Variants in CNBD2 observed in about 807,000 individuals in gnomAD.
CNBD2 encodes the protein cyclic nucleotide binding domain containing 2, also known as cyclic nucleotide-binding domain-containing protein 2.
In CNBD2, 64 loss-of-function variants were observed where a neutral mutation model predicts 63.7. The ratio of observed to expected loss-of-function variants is 1.00; its 90% CI spans 0.82 to 1.24. The LOEUF is 1.24. CNBD2 is among the 50% of genes most tolerant of loss of function. CNBD2 has a pLI of 0.00. For synonymous variants in CNBD2, 229 were observed against 255.4 expected (o/e 0.90, Z 0.99); for missense variants, 691 against 713.5 (o/e 0.97, Z 0.36).
At chr20:35,998,874 CAAAAAAAAAA>C (rs74173968) in intron 8 of CNBD2, among the ~76,000 whole-genome samples, 1 of 47,376 alleles carries the variant, frequency 2.1e-5, no homozygotes, top group Non-Finnish European at 4.2e-5. Flanking sequence ...CTGTGTCTCT[CAAAAAAAAAA>C]AAAAAAAAAA....
intron 11 of CNBD2, among the ~76,000 whole-genome samples, chr20:36,029,851 A>G (rs1251125629): frequency 1.3e-5 from 2 of 151,866 alleles, no homozygotes; most frequent in Non-Finnish European, 2.9e-5. Context: ...TCCTTCTTCC[A>G]CCTTCCTCAG....
In CNBD2 at chr20:35,995,169, T is replaced by C. The variant is rs1352050540; in HGVS notation, c.970+17T>C. The C allele has an allele frequency of 6.4e-7, 1 of 1,552,856 alleles. No homozygotes were observed. Among genetic ancestry groups the C allele is most frequent in the African/African-American group, 1.8e-5 (1 of 56,632 alleles). ...ACCTGAGTGGTAAGCTGCCTTGGCC[T>C]GTCTGACAGCAGGGGGCGCCTGGGC... On this transcript the variant is annotated intron_variant, in intron 8 of 11. Transcript: ENST00000373973.
chr20:36,022,088 A>T (rs895811527), intron 10 of CNBD2, among the ~76,000 whole-genome samples: 6 of 151,002 alleles, frequency 4.0e-5, no homozygotes, highest in Non-Finnish European at 8.8e-5. Context: ...GGCTCACCAC[A>T]ACCTCTACCT....
chr20:35,955,628 T>C (rs1394871797), downstream of CNBD2, among the ~76,000 whole-genome samples: 2 of 152,162 alleles, frequency 1.3e-5, no homozygotes, highest in Non-Finnish European at 1.5e-5. Flanking sequence ...TGTTTTCTTA[T>C]CAGTAAAATG....
chr20:36,025,932 A>G (rs1399117685), intron 11 of CNBD2, among the ~76,000 whole-genome samples: 2 of 152,182 alleles, frequency 1.3e-5, no homozygotes, highest in African/African-American at 4.8e-5. Context: ...GATCTTTTAA[A>G]AGAAAAAGAG....
At chr20:35,993,341 T>TA in intron 7 of CNBD2, among the ~76,000 whole-genome samples, 1 of 152,332 alleles carries the variant, frequency 6.6e-6, no homozygotes, top group East Asian at 1.9e-4. Context: ...TCTTAAGACT[T>TA]ATGTCACCAC....
Position 35,972,700 on chromosome 20 carries a change from G to A in CNBD2, c.123G>A (p.Arg41=), listed in dbSNP as rs766506994. The A allele has an allele frequency of 3.1e-6, 5 of 1,613,876 alleles. No homozygotes were observed. The highest frequency in any genetic ancestry group is 2.2e-5 in the South Asian group (2 of 91,080). The part of the protein sequence containing the change: ...RVCKMFRQGL[R]GFREYQIIET... ...GTAAAATGTTCCGCCAAGGCCTCAG[G>A]GGATTCCGGGAATATCAAATCATTG... Residue 41 remains arginine, a synonymous_variant, in exon 2 of 12, where the codon AGG becomes AGA. Coordinates refer to ENST00000373973, the MANE Select transcript of CNBD2 (RefSeq NM_001365709.1).
intron 8 of CNBD2, among the ~76,000 whole-genome samples, chr20:36,002,488 G>A (rs897332083): frequency 8.5e-5 from 13 of 152,136 alleles, no homozygotes; most frequent in Middle Eastern, 3.4e-3. Flanking sequence ...ATGGGGTTTC[G>A]CCATGTTGGC....
At chr20:36,003,208 C>T (rs1433858362) in intron 8 of CNBD2, among the ~76,000 whole-genome samples, 1 of 152,150 alleles carries the variant, frequency 6.6e-6, no homozygotes, top group Non-Finnish European at 1.5e-5. Flanking sequence ...ATTATAATAG[C>T]TCTTCCAATG....
intron 7 of CNBD2, among the ~76,000 whole-genome samples, chr20:35,993,122 G>A (rs1221447677): frequency 6.6e-6 from 1 of 151,508 alleles, no homozygotes; most frequent in South Asian, 2.1e-4. Flanking sequence ...TTGTTTCTCT[G>A]GCACCTGCAG....
chr20:35,988,054 G>A (rs1437579549), intron 7 of CNBD2, among the ~76,000 whole-genome samples: 1 of 152,030 alleles, frequency 6.6e-6, no homozygotes, highest in South Asian at 2.1e-4. Flanking sequence ...ACTTTTAGTA[G>A]AGACGGGGTT....
chr20:35,991,878 T>A (rs1037366342), intron 7 of CNBD2, among the ~76,000 whole-genome samples: 2 of 151,940 alleles, frequency 1.3e-5, no homozygotes, highest in Middle Eastern at 3.2e-3. Flanking sequence ...TCATTTCTTC[T>A]TCTTTTATTT....
intron 2 of CNBD2, among the ~76,000 whole-genome samples, chr20:35,961,468 T>G (rs2056308690): frequency 1.3e-5 from 2 of 152,232 alleles, no homozygotes; most frequent in African/African-American, 4.8e-5. Context: ...GTTTTAAAAT[T>G]CATTAAGCCC....
chr20:35,960,646 C>CCTGCCTCTCA (rs1214498952), intron 2 of CNBD2, among the ~76,000 whole-genome samples: 1 of 152,098 alleles, frequency 6.6e-6, no homozygotes, highest in Non-Finnish European at 1.5e-5. Context: ...AGCCACCGTG[C>CCTGCCTCTCA]CTGCCCCTAC....
chr20:36,028,113 A>G (rs1398126123), intron 11 of CNBD2, among the ~76,000 whole-genome samples: 3 of 152,194 alleles, frequency 2.0e-5, no homozygotes, highest in Non-Finnish European at 4.4e-5. Flanking sequence ...GGTATTACCA[A>G]TATAGGAAAT....
intron 7 of CNBD2, among the ~76,000 whole-genome samples, chr20:35,990,468 T>C (rs1486252531): frequency 6.6e-6 from 1 of 151,930 alleles, no homozygotes; most frequent in African/African-American, 2.4e-5. Context: ...TCATGTCTAC[T>C]AAAAATATAA....
rs778605285 is a variant in CNBD2 at position 36,006,439 on chromosome 20, C to G, written c.971-1858C>G. 1.1e-4 allele frequency among the ~76,000 whole-genome samples: 16 copies of G among 150,120 alleles called. 1 individual carries two copies. Among genetic ancestry groups the G allele is most frequent in the Admixed American group, 3.3e-4 (5 of 15,112 alleles). ...ATTAGAAAAAAAATTCTTTTTGAGA[C>G]AAGGTTTCACTTTGTCACCCAGTCT... On this transcript the variant is annotated intron_variant, in intron 8 of 11. Coordinates refer to ENST00000373973, the MANE Select transcript of CNBD2 (RefSeq NM_001365709.1).
At chr20:35,978,655 T>C (rs1346794352) in intron 3 of CNBD2, among the ~76,000 whole-genome samples, 1 of 152,120 alleles carries the variant, frequency 6.6e-6, no homozygotes. Context: ...AATGCCCAGC[T>C]AATTCTTAAA....
Position 36,029,153 on chromosome 20 carries a change from TTAGAATC to T in CNBD2, c.1440-1200_1440-1194del, listed in dbSNP as rs532790038. Among the ~76,000 whole-genome samples the T allele has an allele frequency of 1.7e-3, 260 of 152,240 alleles. 1 individual carries two copies. The highest frequency in any genetic ancestry group is 5.7e-3 in the African/African-American group (237 of 41,560). ...GACATGGAGTCTTGTCTGTCCTAGCTTAGAATCTAGGTTAAAAAAAAATTATCCCCTA... is the reference window on the plus strand; with the variant it reads ...GACATGGAGTCTTGTCTGTCCTAGCTTAGGTTAAAAAAAAATTATCCCCTA... On this transcript the variant is annotated intron_variant, in intron 11 of 11. Transcript: ENST00000373973.
Sources: allele counts gnomAD v4.1 joint callset (sites outside exome capture counted in the v4.1 genomes callset), GRCh38; gene constraint gnomAD v4.1.1; transcripts MANE v1.5; gene names NCBI Gene and HGNC (gene_info 2026-07-23, HGNC 2026-07-21).